Variants in MCF2L observed in about 807,000 individuals in gnomAD.
MCF2L encodes the protein MCF.2 cell line derived transforming sequence like.
MCF2L carries 97 observed loss-of-function variants against 153.4 expected under a neutral mutation model. The ratio of observed to expected loss-of-function variants is 0.63; its 90% CI spans 0.54 to 0.75. The LOEUF (loss-of-function observed/expected upper bound fraction) is 0.75. Ranked by LOEUF, MCF2L falls within the 30% of genes least tolerant of loss-of-function variation. The probability of loss-of-function intolerance (pLI) is 0.00; values close to 1 mark genes in which losing one functional copy is unlikely to be tolerated. For missense variants in MCF2L, 1,347 were observed against 1,495.2 expected, an observed-to-expected ratio of 0.90 and a Z score of 1.64; for synonymous variants, 659 against 632.2, an observed-to-expected ratio of 1.04 and a Z score of -0.64.
At chr13:113,057,408 G>GCTGCGTGTT in intron 4 of MCF2L, among the ~76,000 whole-genome samples, 1 of 145,700 alleles carries the variant, frequency 6.9e-6, no homozygotes, top group East Asian at 2.2e-4. Context: ...GAGTGTTTAG[G>GCTGCGTGTT]TGCTGTGTGT....
intron 2 of MCF2L, among the ~76,000 whole-genome samples, chr13:112,946,275 C>A (rs1447537221): frequency 7.5e-6 from 1 of 133,220 alleles, no homozygotes; most frequent in African/African-American, 2.8e-5. Flanking sequence ...TAATGTTTCT[C>A]CCTTTCTGAT....
chr13:112,959,546 G>A (rs913219242), intron 2 of MCF2L, among the ~76,000 whole-genome samples: 2 of 152,158 alleles, frequency 1.3e-5, no homozygotes, highest in Non-Finnish European at 2.9e-5. Flanking sequence ...GCAGCATACA[G>A]AACAATAGGA....
intron 2 of MCF2L, among the ~76,000 whole-genome samples, chr13:112,958,929 C>G (rs1020712466): frequency 2.0e-5 from 3 of 152,164 alleles, no homozygotes; most frequent in African/African-American, 7.2e-5. Context: ...GAAGCAAATC[C>G]TGGGCGGGAG....
At chr13:112,900,283 C>A (rs2081107372) in intron 1 of MCF2L, among the ~76,000 whole-genome samples, 1 of 152,192 alleles carries the variant, frequency 6.6e-6, no homozygotes, top group Non-Finnish European at 1.5e-5. Context: ...CAGGTCTGTG[C>A]CCCTCCCGGA....
chr13:113,058,983 A>AGTGTTTGGGTGCT (rs2030883442), intron 4 of MCF2L, among the ~76,000 whole-genome samples: 1 of 145,310 alleles, frequency 6.9e-6, no homozygotes, highest in African/African-American at 2.6e-5. Context: ...TTGGGTGCTG[A>AGTGTTTGGGTGCT]GTGTTTCAGT....
chr13:113,005,186 C>T (rs764984444), intron 1 of MCF2L, among the ~76,000 whole-genome samples: 9 of 152,190 alleles, frequency 5.9e-5, no homozygotes, highest in African/African-American at 1.4e-4. Context: ...CGAGACAGCA[C>T]GGATGAGCCT....
In MCF2L at chr13:112,945,830, A is replaced by G. The variant is rs867137732; in HGVS notation, c.169+43459A>G. 2.0e-5 allele frequency among the ~76,000 whole-genome samples: 3 copies of G among 152,244 alleles called. No individual in the cohort carries two copies. In the South Asian group the frequency reaches 6.2e-4, roughly 32 times the overall value. ...GCACTGACATTCATCATAGATGTAC[A>G]AAAGTAACATGTAGATGGTGAATTG... On this transcript the variant is annotated intron_variant, in intron 2 of 29. Transcript: ENST00000375608.
intron 26 of MCF2L, among the ~76,000 whole-genome samples, chr13:113,092,290 C>G (rs953831224): frequency 5.3e-5 from 8 of 152,266 alleles, no homozygotes; most frequent in African/African-American, 1.4e-4. Context: ...GAAGACAGTA[C>G]AGCCTTGCAG....
chr13:113,062,186 G>A (rs1007043870), intron 5 of MCF2L, among the ~76,000 whole-genome samples: 1 of 151,936 alleles, frequency 6.6e-6, no homozygotes, highest in East Asian at 2.0e-4. Flanking sequence ...GACGACCAGC[G>A]ACAAAACCGT....
chr13:112,894,951 G>A (rs1440482074), intron 1 of MCF2L, among the ~76,000 whole-genome samples: 1 of 102,266 alleles, frequency 9.8e-6, no homozygotes, highest in Non-Finnish European at 2.3e-5. Context: ...GGACAGTGCT[G>A]GAGGGGAGGG....
At chr13:112,931,481 G>C (rs539105408) in intron 2 of MCF2L, among the ~76,000 whole-genome samples, 6 of 152,308 alleles carry the variant, frequency 3.9e-5, no homozygotes, top group Admixed American at 2.6e-4. Context: ...TAACAGAGCA[G>C]GTGTGCGGCG....
Position 113,075,180 on chromosome 13 carries a change from C to A in MCF2L, c.1299C>A (p.Arg433=). The part of the protein sequence containing the change: ...LLSKSLELHR[R]LETSMKWCDE... ...GCAAGTCCCTGGAGCTGCACCGCCGCCTGGAGACGGTAGGCCGAGCCGGAC... is the reference window on the plus strand; with the variant it reads ...GCAAGTCCCTGGAGCTGCACCGCCGACTGGAGACGGTAGGCCGAGCCGGAC... The change falls in exon 11 of 30, where the codon CGC becomes CGA. Residue 433 remains arginine (R), a synonymous_variant. Coordinates refer to ENST00000535094, the MANE Select transcript of MCF2L (RefSeq NM_001112732.3). The A allele has an allele frequency of 1.3e-6, 2 of 1,595,210 alleles. No individual in the cohort carries two copies. Among genetic ancestry groups the A allele is most frequent in the African/African-American group, 1.3e-5 (1 of 74,734 alleles).
chr13:113,015,868 C>T (rs986467465), intron 2 of MCF2L, among the ~76,000 whole-genome samples: 2 of 152,186 alleles, frequency 1.3e-5, no homozygotes, highest in African/African-American at 4.8e-5. Context: ...CTCCAATCCC[C>T]CTGTGTCGGG....
At chr13:112,916,148 C>T (rs2140544124) in intron 2 of MCF2L, among the ~76,000 whole-genome samples, 1 of 148,026 alleles carries the variant, frequency 6.8e-6, no homozygotes, top group South Asian at 2.1e-4. Context: ...GCGGAGGTTG[C>T]AGTGAGCTGA....
intron 12 of MCF2L, 116 bp from the exon 13 acceptor site, chr13:113,076,936 A>G (rs1202684285): frequency 4.5e-6 from 5 of 1,117,412 alleles, no homozygotes; most frequent in South Asian, 1.5e-5. Flanking sequence ...CAGACCCCGC[A>G]TGGAGAACAT....
At position 112,976,957 on chromosome 13, in the gene MCF2L, A is replaced by G. The variant is rs371681463; in HGVS notation, c.79+7499A>G. Among the ~76,000 whole-genome samples, 338 of 152,246 alleles carry G rather than the reference A, an allele frequency of 2.2e-3. 2 individuals carry two copies. Among genetic ancestry groups the G allele is most frequent in the African/African-American group, 7.9e-3 (327 of 41,528 alleles). On this transcript the variant is annotated intron_variant, in intron 1 of 29. Coordinates refer to ENST00000535094, the MANE Select transcript of MCF2L (RefSeq NM_001112732.3). ...CTGCATGGGGGAGTCATCGGTTTCCACAAGCACGCTCTGTCCTTCCCTGCA... is the reference window on the plus strand; with the variant it reads ...CTGCATGGGGGAGTCATCGGTTTCCGCAAGCACGCTCTGTCCTTCCCTGCA...
At chr13:112,946,905 G>A (rs2081643309) in intron 2 of MCF2L, among the ~76,000 whole-genome samples, 1 of 152,196 alleles carries the variant, frequency 6.6e-6, no homozygotes, top group Non-Finnish European at 1.5e-5. Context: ...GGGGGAGGAG[G>A]AGGCAGAATA....
intron 1 of MCF2L, among the ~76,000 whole-genome samples, chr13:112,898,907 C>T (rs1448445240): frequency 6.6e-6 from 1 of 152,204 alleles, no homozygotes. Flanking sequence ...CTGCTTCAGG[C>T]CCTGCACCCA....
In MCF2L at chr13:113,076,049, T is replaced by A; in HGVS notation, c.1392T>A (p.Ala464=). 6.8e-6 allele frequency: 11 copies of A among 1,614,054 alleles called. No individual in the cohort carries two copies. Among genetic ancestry groups the A allele is most frequent in the African/African-American group, 1.3e-5 (1 of 75,064 alleles). ...DKCQSQDGAE[A]ALQEIEKFLE... is the part of the protein sequence containing the mutation. The stretch of plus-strand genomic sequence containing the variant: ...GCCAGTCCCAGGACGGCGCGGAGGC[T>A]GCCCTCCAGGAAATCGAGAAGTTTT... Residue 464 remains alanine (A), a synonymous_variant, in exon 12 of 30, where the codon GCT becomes GCA. Coordinates refer to ENST00000535094, the MANE Select transcript of MCF2L (RefSeq NM_001112732.3).
Sources: allele counts gnomAD v4.1 joint callset (sites outside exome capture counted in the v4.1 genomes callset), GRCh38; gene constraint gnomAD v4.1.1; transcripts MANE v1.5; gene names NCBI Gene and HGNC (gene_info 2026-07-23, HGNC 2026-07-21).